HPSE2: variants seen among roughly 807,000 people sequenced by gnomAD.
HPSE2 encodes the protein heparanase 2 (inactive).
A neutral mutation model predicts 60.5 loss-of-function variants in HPSE2; 38 were observed. The observed-to-expected ratio is 0.63, with a 90% CI of 0.48 to 0.82. The LOEUF (loss-of-function observed/expected upper bound fraction) is 0.82. HPSE2 is among the 40% of genes least tolerant of loss of function. The probability of loss-of-function intolerance (pLI) is 0.00; values close to 1 mark genes in which losing one functional copy is unlikely to be tolerated. For synonymous variants in HPSE2, 295 were observed against 293.2 expected (o/e 1.01, Z -0.06); for missense variants, 713 against 740.4 (o/e 0.96, Z 0.43).
chr10:98,959,358 GAA>G (rs540992148), intron 3 of HPSE2, among the ~76,000 whole-genome samples: 88 of 77,448 alleles, frequency 1.1e-3, no homozygotes, highest in African/African-American at 2.1e-3. Context: ...ACTATCTCTG[GAA>G]AAAAAAAAAA....
intron 3 of HPSE2, among the ~76,000 whole-genome samples, chr10:99,135,652 T>C (rs948505173): frequency 1.6e-4 from 24 of 152,074 alleles, no homozygotes; most frequent in Admixed American, 6.5e-4. Context: ...TTGAAACCAA[T>C]GAGAACGAAG....
chr10:99,252,350 A>G, the HPSE2 span, among the ~76,000 whole-genome samples: 4 of 152,092 alleles, frequency 2.6e-5, no homozygotes, highest in African/African-American at 4.8e-5. Context: ...AATAAAAGTC[A>G]TCCAAATAGG....
At position 98,597,184 on chromosome 10, in the gene HPSE2, G is replaced by A. The variant is rs569399626; in HGVS notation, c.1320+17720C>T. On this transcript the variant is annotated intron_variant, in intron 9 of 11. Transcript: ENST00000370552. ...CCCTCCTACAACACATGGGGATTAC[G>A]GGAACTACAATTCAAGATGAGATTT... 1.1e-4 allele frequency among the ~76,000 whole-genome samples: 16 copies of A among 152,158 alleles called. No individual in the cohort carries two copies. The South Asian group carries it at 1.5e-3, about 14-fold the overall frequency.
intron 3 of HPSE2, among the ~76,000 whole-genome samples, chr10:99,052,352 C>T (rs1322105399): frequency 1.4e-5 from 2 of 146,504 alleles, no homozygotes; most frequent in Non-Finnish European, 3.0e-5. Context: ...AATTTGAAAA[C>T]AGAACAATAG....
chr10:99,297,339 C>T, the HPSE2 span, among the ~76,000 whole-genome samples: 1 of 152,228 alleles, frequency 6.6e-6, no homozygotes, highest in Admixed American at 6.5e-5. Flanking sequence ...TCACCAAGGT[C>T]CCACACTAAA....
chr10:98,592,133 C>T (rs560632581), intron 9 of HPSE2, among the ~76,000 whole-genome samples: 59 of 152,298 alleles, frequency 3.9e-4, no homozygotes, highest in African/African-American at 1.3e-3. Context: ...CTGCTACAGT[C>T]TTGACTTTGG....
chr10:98,553,156 A>C (rs925760704), intron 9 of HPSE2, among the ~76,000 whole-genome samples: 3 of 152,198 alleles, frequency 2.0e-5, no homozygotes, highest in Non-Finnish European at 2.9e-5. Context: ...CATCTAATTC[A>C]AAGCATCTAC....
At chr10:99,271,459 A>T in the HPSE2 span, among the ~76,000 whole-genome samples, 5 of 152,120 alleles carry the variant, frequency 3.3e-5, no homozygotes, top group South Asian at 2.1e-4. Context: ...GACCTCTACA[A>T]GGAAAACTAC....
At chr10:99,111,009 A>G (rs1380092653) in intron 3 of HPSE2, among the ~76,000 whole-genome samples, 1 of 152,134 alleles carries the variant, frequency 6.6e-6, no homozygotes, top group Non-Finnish European at 1.5e-5. Flanking sequence ...GTCTGTTTTC[A>G]GACTCATTTT....
chr10:98,744,560 C>CAAA (rs369385631), intron 3 of HPSE2, among the ~76,000 whole-genome samples: 2 of 150,176 alleles, frequency 1.3e-5, no homozygotes, highest in African/African-American at 4.9e-5. Context: ...ACAAAACAAA[C>CAAA]AAAAAAAAAC....
At chr10:99,225,482 T>C (rs1564906491) in intron 2 of HPSE2, among the ~76,000 whole-genome samples, 1 of 152,076 alleles carries the variant, frequency 6.6e-6, no homozygotes, top group Non-Finnish European at 1.5e-5. Flanking sequence ...GAAGGAAGAA[T>C]AACATAAAAT....
Position 99,235,834 on chromosome 10 carries a change from C to A in HPSE2, c.-32G>T. On this transcript the variant is annotated 5_prime_UTR_variant, in exon 1 of 12. Transcript: ENST00000370552. Reference sequence around the variant, plus strand: ...CCTCTGATTTAAACCTCTCTTCCTACTGGGTCTCGCTAGTGACTAATTGTC... The same window carrying A: ...CCTCTGATTTAAACCTCTCTTCCTAATGGGTCTCGCTAGTGACTAATTGTC... 1.3e-6 allele frequency: 2 copies of A among 1,593,452 alleles called. No individual in the cohort carries two copies. Among genetic ancestry groups the A allele is most frequent in the Non-Finnish European group, 1.7e-6 (2 of 1,163,204 alleles).
At chr10:98,584,066 T>C (rs1589454201) in intron 9 of HPSE2, among the ~76,000 whole-genome samples, 2 of 152,210 alleles carry the variant, frequency 1.3e-5, no homozygotes, top group African/African-American at 4.8e-5. Flanking sequence ...GTTTAACTTT[T>C]TGAAACACTG....
chr10:98,876,013 G>A (rs1441927176), intron 3 of HPSE2, among the ~76,000 whole-genome samples: 1 of 151,882 alleles, frequency 6.6e-6, no homozygotes, highest in African/African-American at 2.4e-5. Flanking sequence ...GGTTTCTTCT[G>A]TGTCTCTTTG....
intron 3 of HPSE2, among the ~76,000 whole-genome samples, chr10:98,806,396 AAT>A (rs1364949737): frequency 6.6e-6 from 1 of 152,174 alleles, no homozygotes; most frequent in Non-Finnish European, 1.5e-5. Context: ...AGACATCATA[AAT>A]ATGTCACTAT....
intron 3 of HPSE2, among the ~76,000 whole-genome samples, chr10:99,125,036 A>G (rs1845110559): frequency 6.6e-6 from 1 of 152,276 alleles, no homozygotes; most frequent in African/African-American, 2.4e-5. Flanking sequence ...AGCAGAAGAT[A>G]GTGGTATACA....
intron 2 of HPSE2, among the ~76,000 whole-genome samples, chr10:99,146,600 G>T (rs1418377687): frequency 6.6e-6 from 1 of 152,186 alleles, no homozygotes; most frequent in African/African-American, 2.4e-5. Flanking sequence ...AGTGGCTCAC[G>T]CCTGTAATCC....
chr10:99,145,975 T>C (rs1246009946), intron 2 of HPSE2, among the ~76,000 whole-genome samples: 1 of 152,228 alleles, frequency 6.6e-6, no homozygotes, highest in Non-Finnish European at 1.5e-5. Flanking sequence ...GTAGAAATTA[T>C]GCAGTATTTA....
At chr10:98,615,055 T>C in intron 8 of HPSE2, 37 bp from the exon 9 acceptor site, 1 of 1,450,930 alleles carries the variant, frequency 6.9e-7, no homozygotes, top group South Asian at 1.1e-5. Flanking sequence ...TCAATATATT[T>C]TTTAAATGGC....
Sources: gnomAD v4.1 joint callset for allele counts (sites outside exome capture counted in the v4.1 genomes callset) on GRCh38, gnomAD v4.1.1 for gene constraint, MANE v1.5 for transcripts, NCBI Gene and HGNC (gene_info 2026-07-23, HGNC 2026-07-21) for gene names.